The following SND1 variants were observed in gnomAD, a reference collection of about 807,000 sequenced individuals.
SND1 encodes the protein staphylococcal nuclease and tudor domain containing 1.
Under a neutral mutation model 121.7 loss-of-function variants are expected in SND1, and 38 were observed. The observed-to-expected ratio is 0.31, with a 90% confidence interval of 0.24 to 0.41. The LOEUF is 0.41. SND1 is among the 10% of genes least tolerant of loss of function. The pLI is 1.00. For missense variants in SND1, 868 were observed against 1,184.6 expected, an observed-to-expected ratio of 0.73 and a Z score of 3.92; for synonymous variants, 401 against 447.4, an observed-to-expected ratio of 0.90 and a Z score of 1.31.
chr7:127,861,088 C>T (rs1406614637), intron 12 of SND1, among the ~76,000 whole-genome samples: 2 of 152,194 alleles, frequency 1.3e-5, no homozygotes, highest in Admixed American at 1.3e-4. Flanking sequence ...ATTTATGACT[C>T]TAGCTGTTTT....
intron 11 of SND1, among the ~76,000 whole-genome samples, chr7:127,814,495 C>T (rs1798393338): frequency 6.6e-6 from 1 of 152,032 alleles, no homozygotes; most frequent in Admixed American, 6.6e-5. Context: ...AGGCTGGATG[C>T]AGATGTGCTC....
intron 16 of SND1, among the ~76,000 whole-genome samples, chr7:128,004,781 G>A (rs143492489): frequency 3.3e-5 from 5 of 152,310 alleles, no homozygotes; most frequent in African/African-American, 1.2e-4. Context: ...GTCTGCATAA[G>A]GCCGTATTTA....
At chr7:127,817,283 C>A (rs1005592085) in intron 11 of SND1, among the ~76,000 whole-genome samples, 11 of 152,146 alleles carry the variant, frequency 7.2e-5, no homozygotes, top group Admixed American at 3.3e-4. Context: ...GGTTATCTTT[C>A]ACAGATAGGA....
intron 2 of SND1, chr7:127,692,732 G>GA (rs11448586): frequency 0.94 from 143,790 of 152,294 alleles, 68,336 homozygotes; most frequent in Non-Finnish European, 1. Context: ...GCTTATTTAG[G>GA]AAGGAAGATT....
chr7:128,017,646 C>CAG (rs1326576926), intron 16 of SND1, among the ~76,000 whole-genome samples: 3 of 152,242 alleles, frequency 2.0e-5, no homozygotes, highest in African/African-American at 7.2e-5. Context: ...TTCACACCAG[C>CAG]AGAGGGAAGC....
intron 8 of SND1, 32 bp downstream of exon 8, chr7:127,704,977 G>A (rs1796164080): frequency 6.4e-7 from 1 of 1,562,982 alleles, no homozygotes; most frequent in African/African-American, 1.4e-5. Context: ...TTCCAGCTGT[G>A]GATCTTGTTA....
intron 15 of SND1, among the ~76,000 whole-genome samples, chr7:127,935,689 T>C (rs1481770138): frequency 6.6e-6 from 1 of 152,236 alleles, no homozygotes; most frequent in African/African-American, 2.4e-5. Context: ...CTATTCATGT[T>C]GTGGGATTGT....
intron 16 of SND1, chr7:128,028,549 G>GTT: frequency 2.4e-6 from 2 of 831,826 alleles, no homozygotes; most frequent in South Asian, 2.4e-5. Context: ...AATATAATCT[G>GTT]TTTTTTTTAA....
chr7:127,796,890 C>CTTTTT (rs36078891), intron 10 of SND1, among the ~76,000 whole-genome samples: 27 of 102,090 alleles, frequency 2.6e-4, no homozygotes, highest in East Asian at 1.3e-3. Context: ...TTTCCTGAGT[C>CTTTTT]TTTTTTTTTT....
intron 12 of SND1, among the ~76,000 whole-genome samples, chr7:127,886,546 A>G (rs1799912631): frequency 2.0e-5 from 3 of 152,150 alleles, no homozygotes; most frequent in Admixed American, 2.0e-4. Context: ...TGGTTTGAGT[A>G]GGGCCTTTGG....
At chr7:127,837,334 C>T (rs1285765816) in intron 11 of SND1, among the ~76,000 whole-genome samples, 2 of 152,130 alleles carry the variant, frequency 1.3e-5, no homozygotes, top group Non-Finnish European at 2.9e-5. Context: ...AAAAAGATCT[C>T]AACACTTTTA....
At chr7:128,033,063 A>T (rs1199597720) in intron 16 of SND1, among the ~76,000 whole-genome samples, 4 of 152,156 alleles carry the variant, frequency 2.6e-5, no homozygotes, top group Middle Eastern at 3.4e-3. Flanking sequence ...CTGCCCCCAG[A>T]GAACTGGGGG....
At chr7:127,797,437 C>A (rs894430134) in intron 10 of SND1, among the ~76,000 whole-genome samples, 1 of 152,206 alleles carries the variant, frequency 6.6e-6, no homozygotes, top group Non-Finnish European at 1.5e-5. Context: ...GGAATTGATG[C>A]CCTTTCTGCT....
rs145020590 is a variant in SND1, at chr7:127,938,551, A to G, written c.1669+9222A>G. Among the ~76,000 whole-genome samples the G allele has an allele frequency of 9.8e-5, 15 of 152,370 alleles. No individual in the cohort carries two copies. The East Asian group carries it at 2.5e-3, about 25-fold the overall frequency. On this transcript the variant is annotated intron_variant, in intron 15 of 23. Transcript: ENST00000354725. ...ATTTGAGTTTCCGAGAAGATCTGCT[A>G]CATTTTCTTTGGGCAGACTGGGTTT...
At chr7:127,881,235 C>T (rs770655934) in intron 12 of SND1, among the ~76,000 whole-genome samples, 14 of 152,126 alleles carry the variant, frequency 9.2e-5, no homozygotes, top group Non-Finnish European at 1.6e-4. Flanking sequence ...CATCTCACCC[C>T]TCCCCTATGA....
intron 1 of SND1, among the ~76,000 whole-genome samples, chr7:127,664,255 C>T (rs1353178793): frequency 1.3e-5 from 2 of 152,166 alleles, no homozygotes; most frequent in African/African-American, 4.8e-5. Flanking sequence ...GGATTACAGG[C>T]GTGAGCCACT....
intron 21 of SND1, 98 bp downstream of exon 21, chr7:128,087,149 G>A (rs566684880): frequency 2.2e-5 from 20 of 889,544 alleles, no homozygotes; most frequent in Middle Eastern, 2.2e-4. Flanking sequence ...TGGAAACTAT[G>A]ATGGTCTCTT....
chr7:127,863,639 G>T (rs938709091), intron 12 of SND1, among the ~76,000 whole-genome samples: 2 of 152,176 alleles, frequency 1.3e-5, no homozygotes, highest in African/African-American at 4.8e-5. Flanking sequence ...ATTCCTGTGA[G>T]TGTGACCCCC....
intron 15 of SND1, among the ~76,000 whole-genome samples, chr7:127,949,999 T>C (rs1362864454): frequency 1.3e-5 from 2 of 152,234 alleles, no homozygotes; most frequent in African/African-American, 4.8e-5. Context: ...AACTTCTTGA[T>C]TTGCCCTTTA....
Sources: gnomAD v4.1 joint callset for allele counts (sites outside exome capture counted in the v4.1 genomes callset) on GRCh38, gnomAD v4.1.1 for gene constraint, MANE v1.5 for transcripts, NCBI Gene and HGNC (gene_info 2026-07-23, HGNC 2026-07-21) for gene names.